The following KMT2C variants were observed in gnomAD, a reference collection of about 807,000 sequenced individuals.
KMT2C encodes the protein lysine methyltransferase 2C, also known as histone-lysine N-methyltransferase 2C.
Under a neutral mutation model 507.9 loss-of-function variants are expected in KMT2C, and 88 were observed. The observed-to-expected ratio is 0.17, with a 90% CI of 0.15 to 0.21. KMT2C has a LOEUF of 0.21. Ranked by LOEUF, KMT2C falls within the 10% of genes least tolerant of loss-of-function variation. The probability of loss-of-function intolerance (pLI) is 1.00; values close to 1 mark genes in which losing one functional copy is unlikely to be tolerated. For missense variants in KMT2C, 4,954 were observed against 5,957.8 expected (o/e 0.83, Z 5.55); for synonymous variants, 2,049 against 2,080.8 (o/e 0.98, Z 0.42).
At chr7:152,417,510 A>G (rs989676317) in intron 1 of KMT2C, among the ~76,000 whole-genome samples, 6 of 152,156 alleles carry the variant, frequency 3.9e-5, no homozygotes, top group African/African-American at 1.4e-4. Flanking sequence ...ATAGGTAACA[A>G]ACAGATACAG....
chr7:152,281,859 T>C (rs190669227), intron 6 of KMT2C, among the ~76,000 whole-genome samples: 1 of 152,140 alleles, frequency 6.6e-6, no homozygotes, highest in Non-Finnish European at 1.5e-5. Flanking sequence ...TCAAGCCCAA[T>C]GAGTCAGGAA....
chr7:152,204,706 A>T (rs2094251596), intron 25 of KMT2C, among the ~76,000 whole-genome samples: 1 of 152,164 alleles, frequency 6.6e-6, no homozygotes, highest in Non-Finnish European at 1.5e-5. Context: ...ATTATATGAT[A>T]AGTAGCTAAG....
chr7:152,236,543 G>A (rs2095278481), intron 15 of KMT2C, among the ~76,000 whole-genome samples: 1 of 152,186 alleles, frequency 6.6e-6, no homozygotes, highest in South Asian at 2.1e-4. Flanking sequence ...CTACATCAGC[G>A]TGAAAGTTCA....
intron 14 of KMT2C, among the ~76,000 whole-genome samples, chr7:152,243,306 C>G (rs4401758): frequency 6.6e-6 from 1 of 152,078 alleles, no homozygotes; most frequent in East Asian, 1.9e-4. Context: ...TACTTCTAAT[C>G]GGCTGTGTTG....
intron 4 of KMT2C, among the ~76,000 whole-genome samples, chr7:152,313,016 G>C (rs1321127425): frequency 6.6e-6 from 1 of 152,044 alleles, no homozygotes; most frequent in Non-Finnish European, 1.5e-5. Context: ...ATTTCAATAA[G>C]TACATTTAAA....
intron 37 of KMT2C, among the ~76,000 whole-genome samples, chr7:152,178,247 G>C (rs1320694555): frequency 6.6e-6 from 1 of 152,066 alleles, no homozygotes; most frequent in Non-Finnish European, 1.5e-5. Flanking sequence ...AAAGGCTTAA[G>C]ATTTAACAGA....
rs138132298 is a variant in KMT2C, at chr7:152,186,643, T to C, written c.5008+619A>G. Among the ~76,000 whole-genome samples the C allele has an allele frequency of 8.5e-5, 13 of 152,308 alleles. No homozygotes were observed. The East Asian group carries it at 1.2e-3, about 14-fold the overall frequency. On this transcript the variant is annotated intron_variant, in intron 33 of 58. Transcript: ENST00000262189. ...GTATTGATAGATAGCTGGGAAACTA[T>C]TGCAAAACTGAGTTTGAATAACTTT...
At chr7:152,331,433 A>G (rs2096881505) in intron 2 of KMT2C, among the ~76,000 whole-genome samples, 1 of 151,866 alleles carries the variant, frequency 6.6e-6, no homozygotes, top group Non-Finnish European at 1.5e-5. Flanking sequence ...CCTGGGAAAC[A>G]TGGTAACACC....
chr7:152,429,515 T>G (rs1283390171), intron 1 of KMT2C, among the ~76,000 whole-genome samples: 4 of 152,018 alleles, frequency 2.6e-5, no homozygotes, highest in Non-Finnish European at 5.9e-5. Flanking sequence ...AAGATTGGTC[T>G]ATTACTTTTT....
At chr7:152,415,222 T>C (rs1589873218) in intron 1 of KMT2C, among the ~76,000 whole-genome samples, 1 of 152,246 alleles carries the variant, frequency 6.6e-6, no homozygotes. Context: ...AAAATTTTGT[T>C]CCTCCTCCCA....
chr7:152,223,120 G>T (rs2094825631), intron 20 of KMT2C, among the ~76,000 whole-genome samples: 2 of 152,214 alleles, frequency 1.3e-5, no homozygotes, highest in South Asian at 4.1e-4. Context: ...GTAAAAAGTT[G>T]TCTTGCAATG....
intron 2 of KMT2C, among the ~76,000 whole-genome samples, chr7:152,340,124 C>T (rs1034423261): frequency 6.0e-5 from 9 of 151,028 alleles, no homozygotes; most frequent in Non-Finnish European, 1.2e-4. Context: ...GCCAGGACTA[C>T]AAGGCACATG....
chr7:152,239,667 T>C (rs978358890), intron 14 of KMT2C, among the ~76,000 whole-genome samples: 3 of 152,302 alleles, frequency 2.0e-5, no homozygotes, highest in African/African-American at 7.2e-5. Context: ...CTGATGAAGA[T>C]GCTAAACAGC....
At chr7:152,396,309 T>C (rs1379119220) in intron 1 of KMT2C, among the ~76,000 whole-genome samples, 1 of 152,178 alleles carries the variant, frequency 6.6e-6, no homozygotes, top group East Asian at 1.9e-4. Context: ...AAAAAATACA[T>C]AAATGAAAAG....
chr7:152,359,887 A>G (rs1369316283), intron 1 of KMT2C, among the ~76,000 whole-genome samples: 1 of 151,360 alleles, frequency 6.6e-6, no homozygotes, highest in African/African-American at 2.4e-5. Flanking sequence ...CGTCTCTACT[A>G]AAAATACAAA....
intron 1 of KMT2C, 43 bp from the exon 2 acceptor site, chr7:152,358,718 T>C (rs2097172489): frequency 1.6e-6 from 2 of 1,285,918 alleles, no homozygotes; most frequent in Non-Finnish European, 2.2e-6. Context: ...GAGTTAAATG[T>C]TAAATTTTAA....
chr7:152,207,399 A>G lies in KMT2C; in HGVS notation c.3742T>C (p.Ser1248Pro), dbSNP rs1381686871. The G allele has an allele frequency of 6.2e-7, 1 of 1,608,138 alleles. No homozygotes were observed. Among genetic ancestry groups the G allele is most frequent in the East Asian group, 2.2e-5 (1 of 44,766 alleles). The change falls in exon 24 of 59, where the codon TCA (serine) becomes CCA (proline). Residue 1248 changes from serine to proline, a missense_variant. Physicochemically the swap from Ser to Pro is moderately conservative, Grantham distance 74. This residue lies in a region of KMT2C where 176 missense variants were observed against 262.0 expected (regional missense o/e 0.67). Transcript: ENST00000262189. ...GCTTCCCGCTCAGGACTAGATTCTG[A>G]TTTTCCATCACAATCCATAAGTTCT... ...EGELMDCDGK[S>P]ESSPEREAVD...
At chr7:152,386,901 T>C (rs2116513053) in intron 1 of KMT2C, among the ~76,000 whole-genome samples, 1 of 152,286 alleles carries the variant, frequency 6.6e-6, no homozygotes, top group Admixed American at 6.5e-5. Context: ...CTTAAGTGAC[T>C]TCCAAGATCA....
rs2129115724 is a variant in KMT2C at position 152,177,968 on chromosome 7, T to C, written c.7485A>G (p.Gln2495=). Residue 2495 remains glutamine (Q), a synonymous_variant, in exon 38 of 59, where the codon CAA becomes CAG. Transcript: ENST00000262189. The stretch of plus-strand genomic sequence containing the variant: ...GCTGAGGAGGCACAAGGAAGCGCTC[T>C]TGACTCGGCATGGTACCATGACTAC... The part of the protein sequence containing the change: ...PGGSHGTMPS[Q]ERFLVPPQQI... 1 of 1,579,044 alleles carries C rather than the reference T, an allele frequency of 6.3e-7. No homozygotes were observed. Among genetic ancestry groups the C allele is most frequent in the African/African-American group, 1.4e-5 (1 of 70,544 alleles).
Sources: gnomAD v4.1 joint callset for allele counts (sites outside exome capture counted in the v4.1 genomes callset) on GRCh38, gnomAD v4.1.1 for gene constraint, gnomAD v4.1.1 regional missense constraint, MANE v1.5 for transcripts, NCBI Gene and HGNC (gene_info 2026-07-23, HGNC 2026-07-21) for gene names.